The following AMD1 variants were observed in gnomAD, a reference collection of about 807,000 sequenced individuals.
The protein encoded by AMD1 is adenosylmethionine decarboxylase 1, also known as S-adenosylmethionine decarboxylase proenzyme.
Under a neutral mutation model 40.2 loss-of-function variants are expected in AMD1, and 11 were observed. The ratio of observed to expected loss-of-function variants is 0.27; its 90% confidence interval spans 0.17 to 0.45. The LOEUF is 0.45. AMD1 is among the 20% of genes least tolerant of loss of function. The pLI is 1.00. For missense variants in AMD1, 257 were observed against 410.2 expected, an observed-to-expected ratio of 0.63 and a Z score of 3.23; for synonymous variants, 121 against 130.8, an observed-to-expected ratio of 0.93 and a Z score of 0.51.
rs1342631302 is a variant in AMD1, at chr6:110,893,718, CTG to C, written c.*106_*107del. ...GGGGCAGTGCTTTCCATAACCACCA[CTG>C]TGTAGTTGCAGAAAGCCCTAGATGT... is the stretch of plus-strand genomic sequence containing the variant. On this transcript the variant is annotated 3_prime_UTR_variant, in exon 9 of 9. Coordinates refer to ENST00000368885, the MANE Select transcript of AMD1 (RefSeq NM_001634.6). 1.5e-6 allele frequency: 2 copies of C among 1,315,214 alleles called. No individual in the cohort carries two copies. Among genetic ancestry groups the C allele is most frequent in the Non-Finnish European group, 2.1e-6 (2 of 958,794 alleles). 81.5% of individuals were successfully genotyped at this position (1,315,214 alleles called of 1,614,324 possible).
chr6:110,892,286 A>T lies in AMD1; in HGVS notation c.471-13A>T, dbSNP rs1037681339. The T allele has an allele frequency of 1.9e-6, 3 of 1,613,330 alleles. No homozygotes were observed. In the African/African-American group the frequency reaches 4.0e-5, roughly 22 times the overall value. On this transcript the variant is annotated splice_polypyrimidine_tract_variant and intron_variant, in intron 5 of 8. Transcript: ENST00000368885. Reference sequence around the variant, plus strand: ...ATTGTCATTTTTAGGAACTATTTTTAATTTTTATTTAGGTACTTATATACT... The same window carrying T: ...ATTGTCATTTTTAGGAACTATTTTTTATTTTTATTTAGGTACTTATATACT...
At chr6:110,850,099 A>G in the AMD1 span, among the ~76,000 whole-genome samples, 2 of 152,086 alleles carry the variant, frequency 1.3e-5, no homozygotes, top group East Asian at 1.9e-4. Context: ...GAAGTTCCAC[A>G]ATAACGTTAA....
chr6:110,868,697 G>A, the AMD1 span, among the ~76,000 whole-genome samples: 2 of 152,196 alleles, frequency 1.3e-5, no homozygotes, highest in East Asian at 1.9e-4. Flanking sequence ...TTACACCAAA[G>A]AAGACAAACA....
the AMD1 span, among the ~76,000 whole-genome samples, chr6:110,837,391 G>A: frequency 6.6e-6 from 1 of 151,194 alleles, no homozygotes; most frequent in Non-Finnish European, 1.5e-5. Flanking sequence ...TCTGGCAGAA[G>A]TTTTACCAGG....
the AMD1 span, among the ~76,000 whole-genome samples, chr6:110,819,279 C>T: frequency 6.6e-6 from 1 of 152,160 alleles, no homozygotes; most frequent in Non-Finnish European, 1.5e-5. Context: ...ATCACTTGAA[C>T]CTGGGAGGCA....
At chr6:110,854,073 T>C in the AMD1 span, among the ~76,000 whole-genome samples, 1 of 152,226 alleles carries the variant, frequency 6.6e-6, no homozygotes, top group East Asian at 1.9e-4. Flanking sequence ...TTTCAAAGCC[T>C]GTAGATGGCT....
the AMD1 span, among the ~76,000 whole-genome samples, chr6:110,845,816 C>A: frequency 6.6e-6 from 1 of 152,176 alleles, no homozygotes; most frequent in African/African-American, 2.4e-5. Context: ...TGAGTCAATA[C>A]TCCTTAATAA....
chr6:110,822,983 G>A, the AMD1 span, among the ~76,000 whole-genome samples: 9 of 152,208 alleles, frequency 5.9e-5, no homozygotes, highest in South Asian at 1.9e-3. Flanking sequence ...GGGCGTAGTG[G>A]CGCATGCCTG....
the AMD1 span, among the ~76,000 whole-genome samples, chr6:110,862,204 C>T: frequency 6.6e-6 from 1 of 151,392 alleles, no homozygotes; most frequent in Non-Finnish European, 1.5e-5. Flanking sequence ...GAGATAGAGT[C>T]TCATTATGTT....
At chr6:110,869,596 G>A in the AMD1 span, among the ~76,000 whole-genome samples, 1 of 148,472 alleles carries the variant, frequency 6.7e-6, no homozygotes, top group Non-Finnish European at 1.5e-5. Context: ...CCCAACCTCC[G>A]CCTACCAGAT....
At chr6:110,849,782 G>A in the AMD1 span, among the ~76,000 whole-genome samples, 1 of 152,126 alleles carries the variant, frequency 6.6e-6, no homozygotes, top group Non-Finnish European at 1.5e-5. Context: ...CACTTTGGGA[G>A]GCCAAGGCAA....
chr6:110,887,662 T>C, intron 2 of AMD1, 71 bp downstream of exon 2: 1 of 1,124,040 alleles, frequency 8.9e-7, no homozygotes, highest in Non-Finnish European at 1.3e-6. Flanking sequence ...GTTAAGTTCC[T>C]CTCAGTTGTA....
At chr6:110,825,816 AG>A in the AMD1 span, among the ~76,000 whole-genome samples, 1 of 152,190 alleles carries the variant, frequency 6.6e-6, no homozygotes, top group Non-Finnish European at 1.5e-5. Context: ...TAGTCTACTT[AG>A]TACAGAGCTG....
the AMD1 span, among the ~76,000 whole-genome samples, chr6:110,845,206 T>G: frequency 6.6e-6 from 1 of 151,824 alleles, no homozygotes; most frequent in African/African-American, 2.4e-5. Context: ...GCCCGGCTAA[T>G]TTTTGTATTT....
chr6:110,865,312 G>T, the AMD1 span, among the ~76,000 whole-genome samples: 1 of 152,218 alleles, frequency 6.6e-6, no homozygotes, highest in South Asian at 2.1e-4. Context: ...ATTCTTAAAT[G>T]TTTGTATAGA....
chr6:110,840,999 T>G, the AMD1 span, among the ~76,000 whole-genome samples: 1 of 152,196 alleles, frequency 6.6e-6, no homozygotes, highest in Non-Finnish European at 1.5e-5. Context: ...TTAACAATCC[T>G]GCAAAATAAG....
At chr6:110,823,501 T>C in the AMD1 span, among the ~76,000 whole-genome samples, 2 of 152,206 alleles carry the variant, frequency 1.3e-5, no homozygotes, top group Non-Finnish European at 2.9e-5. Flanking sequence ...GTTTGATAAA[T>C]GAATTCAGTG....
At chr6:110,866,534 A>G in the AMD1 span, among the ~76,000 whole-genome samples, 1 of 152,238 alleles carries the variant, frequency 6.6e-6, no homozygotes, top group Admixed American at 6.5e-5. Flanking sequence ...GGAAGTAGGG[A>G]AAATAATTCT....
chr6:110,838,466 AAAG>A, the AMD1 span, among the ~76,000 whole-genome samples: 1 of 152,162 alleles, frequency 6.6e-6, no homozygotes, highest in Non-Finnish European at 1.5e-5. Context: ...TTTAGCAATG[AAAG>A]AAGAAGAAAA....
Sources: gnomAD v4.1 joint callset for allele counts (sites outside exome capture counted in the v4.1 genomes callset) on GRCh38, gnomAD v4.1.1 for gene constraint, MANE v1.5 for transcripts, NCBI Gene and HGNC (gene_info 2026-07-23, HGNC 2026-07-21) for gene names.